ITGB4: variants seen among roughly 807,000 people sequenced by gnomAD.
The protein encoded by ITGB4 is integrin beta-4.
Under a neutral mutation model 207.6 loss-of-function variants are expected in ITGB4, and 159 were observed. That is an observed-to-expected ratio of 0.77 (90% confidence interval 0.67 to 0.87). The LOEUF is 0.87. Ranked by LOEUF, ITGB4 falls within the 40% of genes least tolerant of loss-of-function variation. The pLI is 0.00. For missense variants in ITGB4, 2,278 were observed against 2,546.8 expected (o/e 0.89, Z 2.27); for synonymous variants, 1,020 against 1,062.7 (o/e 0.96, Z 0.78).
At chr17:75,743,620 A>G (rs1430841062) in intron 25 of ITGB4, 93 bp from the exon 26 acceptor site, 6 of 1,570,792 alleles carry the variant, frequency 3.8e-6, no homozygotes, top group Non-Finnish European at 5.3e-6. Context: ...GGACTCCTGG[A>G]TTCTGGGCTG....
chr17:75,722,998 G>A lies in ITGB4; in HGVS notation c.-11+1386G>A, dbSNP rs149503553. Among the ~76,000 whole-genome samples the A allele has an allele frequency of 3.4e-3, 512 of 152,254 alleles. 3 individuals are homozygous for A. The highest frequency in any genetic ancestry group is 0.012 in the African/African-American group (480 of 41,530). ...ATTCCTAACTTTTATGGGAAATCTC[G>A]TTGTTTCTAACATTGGCTCCTACTT... is the stretch of plus-strand genomic sequence containing the variant. On this transcript the variant is annotated intron_variant, in intron 1 of 39. Coordinates refer to ENST00000200181, the MANE Select transcript of ITGB4 (RefSeq NM_000213.5). The surrounding 1 kb of genome is among the most constrained non-coding windows in gnomAD (Gnocchi z 6.2).
chr17:75,750,016 G>C lies in ITGB4; in HGVS notation c.3317-95G>C. ...TGGGCAGGTCTGAGTTGAATGCGCT[G>C]GGTAGAGCGCCCTGGGTGTTGAAGT... On this transcript the variant is annotated intron_variant, in intron 27 of 39. Transcript: ENST00000200181. This position sits in a 1 kb window ranked among gnomAD's most constrained non-coding sequence, Gnocchi z 5.5. The C allele has an allele frequency of 6.6e-7, 1 of 1,506,100 alleles. No individual in the cohort carries two copies. The highest frequency in any genetic ancestry group is 9.2e-7 in the Non-Finnish European group (1 of 1,083,226). The allele number at this position is 1,506,100 out of a possible 1,614,324, so 93.3% of individuals were successfully genotyped here.
In ITGB4 at chr17:75,728,371, A is replaced by C. The variant is rs1431807363; in HGVS notation, c.470-6A>C. On this transcript the variant is annotated splice_region_variant and splice_polypyrimidine_tract_variant and intron_variant, in intron 5 of 39. Transcript: ENST00000200181. ...GCTATCCCCTCTCTGTCCTTTTGAC[A>C]TCCAGCTCGGGTCCTGAGCCAGCTC... 1.2e-6 allele frequency: 2 copies of C among 1,613,806 alleles called. No individual in the cohort carries two copies. The highest frequency in any genetic ancestry group is 2.7e-5 in the African/African-American group (2 of 74,934).
At position 75,740,227 on chromosome 17, in the gene ITGB4, C is replaced by T; in HGVS notation, c.2447-131C>T. ...TGCTGATGGTGCTATGAACCTCATG[C>T]CTCGGTGTGCGTGGCCTGCTGGCCA... On this transcript the variant is annotated intron_variant, in intron 20 of 39. Coordinates refer to ENST00000200181, the MANE Select transcript of ITGB4 (RefSeq NM_000213.5). The surrounding 1 kb of genome is among the most constrained non-coding windows in gnomAD (Gnocchi z 5.9). 1 of 1,209,640 alleles carries T rather than the reference C, an allele frequency of 8.3e-7. No homozygotes were observed. Among genetic ancestry groups the T allele is most frequent in the Non-Finnish European group, 1.2e-6 (1 of 847,210 alleles). 74.9% of individuals were successfully genotyped at this position (1,209,640 alleles called of 1,614,324 possible). A position where few individuals can be genotyped will look rare whatever the true frequency, so the allele number is the denominator to read the frequency against.
Position 75,753,969 on chromosome 17 carries a change from C to T in ITGB4, c.4313C>T (p.Pro1438Leu). 1 of 1,258,460 alleles carries T rather than the reference C, an allele frequency of 7.9e-7. No individual in the cohort carries two copies. Among genetic ancestry groups the T allele is most frequent in the Non-Finnish European group, 1.0e-6 (1 of 1,003,984 alleles). 78.0% of individuals were successfully genotyped at this position (1,258,460 alleles called of 1,614,324 possible). A position where few individuals can be genotyped will look rare whatever the true frequency, so the allele number is the denominator to read the frequency against. Residue 1438 changes from proline (P) to leucine (L), a missense_variant, in exon 33 of 40, where the codon CCC becomes CTC. Pro to Leu is a moderately conservative substitution (Grantham distance 98). Transcript: ENST00000200181. ...SLPRSATPGP[P>L]GEHLVNGRMD... Reference sequence around the variant, plus strand: ...CCCCGCAGTGCGACACCCGGGCCCCCCGGAGGTGACAGGCTCACCCGCCGC... The same window carrying T: ...CCCCGCAGTGCGACACCCGGGCCCCTCGGAGGTGACAGGCTCACCCGCCGC...
In ITGB4 at chr17:75,740,703, C is replaced by G. The variant is rs1245392488; in HGVS notation, c.2551-90C>G. ...AGCCAACCCTGAGGATCTCTGGGTA[C>G]AGAGGCTGCCTGGCTCCCTGGGTCC... On this transcript the variant is annotated intron_variant, in intron 21 of 39. Transcript: ENST00000200181. The surrounding 1 kb of genome is among the most constrained non-coding windows in gnomAD (Gnocchi z 5.9). The G allele has an allele frequency of 2.1e-6, 3 of 1,428,388 alleles. No individual in the cohort carries two copies. The highest frequency in any genetic ancestry group is 1.1e-5 in the South Asian group (1 of 87,032). 88.5% of individuals were successfully genotyped at this position (1,428,388 alleles called of 1,614,324 possible). A position where few individuals can be genotyped will look rare whatever the true frequency, so the allele number is the denominator to read the frequency against.
chr17:75,753,203 C>G (rs904079075), intron 32 of ITGB4, among the ~76,000 whole-genome samples: 1 of 152,242 alleles, frequency 6.6e-6, no homozygotes, highest in Non-Finnish European at 1.5e-5. Flanking sequence ...CTGTCCCTGC[C>G]GATGCCTCAA....
chr17:75,755,920 G>A, intron 35 of ITGB4, 70 bp downstream of exon 35: 3 of 1,544,636 alleles, frequency 1.9e-6, no homozygotes, highest in Non-Finnish European at 2.6e-6. Flanking sequence ...GACACATAGG[G>A]TACCTCAGCT....
At chr17:75,733,216 G>A (rs1454001432) in intron 12 of ITGB4, among the ~76,000 whole-genome samples, 5 of 151,276 alleles carry the variant, frequency 3.3e-5, no homozygotes, top group Non-Finnish European at 7.4e-5. Context: ...GTGAAACCCC[G>A]TCTACTAAAA....
At position 75,739,640 on chromosome 17, in the gene ITGB4, C is replaced by G. The variant is rs1568362283; in HGVS notation, c.2221-32C>G. On this transcript the variant is annotated intron_variant, in intron 18 of 39. Coordinates refer to ENST00000200181, the MANE Select transcript of ITGB4 (RefSeq NM_000213.5). This position sits in a 1 kb window ranked among gnomAD's most constrained non-coding sequence, Gnocchi z 5.4. Reference sequence around the variant, plus strand: ...CTTACCTGGGCCAGGGCAGCTGTCTCAGGCCTCACCCTCACCCACCTTGTC... The same window carrying G: ...CTTACCTGGGCCAGGGCAGCTGTCTGAGGCCTCACCCTCACCCACCTTGTC... 1 of 1,613,986 alleles carries G rather than the reference C, an allele frequency of 6.2e-7. No individual in the cohort carries two copies. The highest frequency in any genetic ancestry group is 8.5e-7 in the Non-Finnish European group (1 of 1,179,972).
rs181642410 is a variant in ITGB4, at chr17:75,727,908, G to A, written c.469+53G>A. 395 of 1,552,150 alleles carry A rather than the reference G, an allele frequency of 2.5e-4. 1 individual carries two copies. Among genetic ancestry groups the A allele is most frequent in the African/African-American group, 1.0e-3 (76 of 73,782 alleles). On this transcript the variant is annotated intron_variant, in intron 5 of 39. Coordinates refer to ENST00000200181, the MANE Select transcript of ITGB4 (RefSeq NM_000213.5). The surrounding 1 kb of genome is among the most constrained non-coding windows in gnomAD (Gnocchi z 6.0). ...CAGGGCAGGAGGGGGACAGGTGGGC[G>A]TCTGCTTGGGAGGCCAGGACTCAGG...
Position 75,740,511 on chromosome 17 carries a change from G to A in ITGB4, c.2550+50G>A. 1 of 1,443,358 alleles carries A rather than the reference G, an allele frequency of 6.9e-7. No homozygotes were observed. The highest frequency in any genetic ancestry group is 1.1e-5 in the South Asian group (1 of 87,258). The allele number at this position is 1,443,358 out of a possible 1,614,324, so 89.4% of individuals were successfully genotyped here. ...GCCGGAGATGTGGGTATGAGGGCGG[G>A]TGAGGTGGGCAGGGCAGAGCGAATG... On this transcript the variant is annotated intron_variant, in intron 21 of 39. Transcript: ENST00000200181. This position sits in a 1 kb window ranked among gnomAD's most constrained non-coding sequence, Gnocchi z 5.9.
In ITGB4 at chr17:75,727,188, C is replaced by G. The variant is rs1309059240; in HGVS notation, c.80-7C>G. On this transcript the variant is annotated splice_region_variant and splice_polypyrimidine_tract_variant and intron_variant, in intron 2 of 39. Transcript: ENST00000200181. The surrounding 1 kb of genome is among the most constrained non-coding windows in gnomAD (Gnocchi z 6.0). ...CCCCATTCATGTGCCCACATCTGTC[C>G]CCCCAGCAAACCGCTGCAAGAAGGC... 1 of 1,613,570 alleles carries G rather than the reference C, an allele frequency of 6.2e-7. No individual in the cohort carries two copies.
chr17:75,747,782 T>C (rs2143279437), intron 26 of ITGB4, among the ~76,000 whole-genome samples: 1 of 152,310 alleles, frequency 6.6e-6, no homozygotes, highest in Non-Finnish European at 1.5e-5. Context: ...CCCGAGTAGC[T>C]GGGATTACAG....
At position 75,731,673 on chromosome 17, in the gene ITGB4, C is replaced by A; in HGVS notation, c.1216-139C>A. ...GCGCTGGGAAGGAGGGAGTTTCCAG[C>A]CCTGAGGGAGGTGAGCAGGAGCTCA... On this transcript the variant is annotated intron_variant, in intron 10 of 39. Coordinates refer to ENST00000200181, the MANE Select transcript of ITGB4 (RefSeq NM_000213.5). This position sits in a 1 kb window ranked among gnomAD's most constrained non-coding sequence, Gnocchi z 6.8. 1.0e-6 allele frequency: 1 copy of A among 971,822 alleles called. No homozygotes were observed. The highest frequency in any genetic ancestry group is 1.5e-6 in the Non-Finnish European group (1 of 673,458). 60.2% of individuals were successfully genotyped at this position (971,822 alleles called of 1,614,324 possible).
chr17:75,730,449 A>G lies in ITGB4; in HGVS notation c.947A>G (p.Lys316Arg), dbSNP rs1157717562. The change falls in exon 8 of 40, where the codon AAG (lysine) becomes AGG (arginine). Residue 316 changes from lysine to arginine, a missense_variant. Transcript: ENST00000200181. ...CCCACCCTGGTGCGCCTGCTCGCCA[A>G]GCACAACATCATCCCCATCTTTGCT... ...SVPTLVRLLA[K>R]HNIIPIFAVT... 6.2e-7 allele frequency: 1 copy of G among 1,614,122 alleles called. No homozygotes were observed. The highest frequency in any genetic ancestry group is 8.5e-7 in the Non-Finnish European group (1 of 1,180,028).
intron 18 of ITGB4, among the ~76,000 whole-genome samples, chr17:75,738,601 C>T (rs1228083620): frequency 6.6e-6 from 1 of 152,252 alleles, no homozygotes; most frequent in Non-Finnish European, 1.5e-5. Context: ...AGAGCACCTG[C>T]TCTGGGGTCA....
rs1461020173 is a variant in ITGB4, at chr17:75,756,828, C to T, written c.5022C>T (p.Tyr1674=). ...GGCCCAATGGGGATATCGTCGGCTA[C>T]CTGGTGACCTGTGAGATGGCCCAAG... ...PRRPNGDIVG[Y]LVTCEMAQGG... is the part of the protein sequence containing the mutation. Residue 1674 remains tyrosine, a synonymous_variant, in exon 37 of 40, where the codon TAC becomes TAT. Coordinates refer to ENST00000200181, the MANE Select transcript of ITGB4 (RefSeq NM_000213.5). The T allele has an allele frequency of 1.9e-6, 3 of 1,612,376 alleles. No homozygotes were observed. Among genetic ancestry groups the T allele is most frequent in the South Asian group, 1.1e-5 (1 of 91,054 alleles).
At chr17:75,737,694 C>A in intron 18 of ITGB4, 50 bp downstream of exon 18, 1 of 1,460,002 alleles carries the variant, frequency 6.8e-7, no homozygotes, top group Non-Finnish European at 9.5e-7. Context: ...GGTCCCCACC[C>A]CAACAGGGCC....
Sources: gnomAD v4.1 joint callset for allele counts (sites outside exome capture counted in the v4.1 genomes callset) on GRCh38, gnomAD v4.1.1 for gene constraint, Gnocchi (gnomAD v3.1) non-coding constraint, MANE v1.5 for transcripts, NCBI Gene and HGNC (gene_info 2026-07-23, HGNC 2026-07-21) for gene names.